Variants in NUAK1 observed in about 807,000 individuals in gnomAD.
NUAK1 encodes NUAK family SNF1-like kinase 1.
In NUAK1, 26 loss-of-function variants were observed where a neutral mutation model predicts 56.9. That is an observed-to-expected ratio of 0.46 (90% CI 0.33 to 0.63). The LOEUF is 0.63. Ranked by LOEUF, NUAK1 falls within the 30% of genes least tolerant of loss-of-function variation. The probability of loss-of-function intolerance (pLI) is 0.02; values close to 1 mark genes in which losing one functional copy is unlikely to be tolerated. For missense variants in NUAK1, 727 were observed against 876.1 expected (o/e 0.83, Z 2.15); for synonymous variants, 337 against 336.0 (o/e 1.00, Z -0.03).
intron 1 of NUAK1, among the ~76,000 whole-genome samples, chr12:106,126,202 T>C (rs1429287522): frequency 6.6e-6 from 1 of 152,192 alleles, no homozygotes; most frequent in Non-Finnish European, 1.5e-5. Flanking sequence ...GATCTTCAAA[T>C]GTCAGGGTTA....
In NUAK1 at chr12:106,086,714, C is replaced by T. The variant is rs376440111; in HGVS notation, c.513+20G>A. 2.8e-4 allele frequency: 453 copies of T among 1,590,102 alleles called. 1 individual carries two copies. Among genetic ancestry groups the T allele is most frequent in the African/African-American group, 1.5e-3 (113 of 74,648 alleles). On this transcript the variant is annotated intron_variant, in intron 3 of 6. Transcript: ENST00000261402. ...TAAAAACCATCTACGGCCAAAGCTG[C>T]GGGCCAGGCGCAGCCATACCTTGTG...
intron 4 of NUAK1, among the ~76,000 whole-genome samples, chr12:106,079,750 T>C (rs2032497901): frequency 6.6e-6 from 1 of 152,258 alleles, no homozygotes; most frequent in Non-Finnish European, 1.5e-5. Context: ...TGTTTACTGC[T>C]GTGTCTCCAA....
intron 1 of NUAK1, among the ~76,000 whole-genome samples, chr12:106,128,043 C>T (rs748700316): frequency 6.6e-6 from 1 of 152,044 alleles, no homozygotes; most frequent in Non-Finnish European, 1.5e-5. Flanking sequence ...ACGAAGAAAC[C>T]GAGTCACAGT....
intron 4 of NUAK1, among the ~76,000 whole-genome samples, chr12:106,074,765 G>GT (rs2032443447): frequency 1.3e-5 from 2 of 152,196 alleles, no homozygotes; most frequent in African/African-American, 4.8e-5. Flanking sequence ...AGCCTATTTT[G>GT]TAAAAGTCAT....
intron 1 of NUAK1, among the ~76,000 whole-genome samples, chr12:106,125,871 G>A (rs1168660869): frequency 6.6e-6 from 1 of 151,602 alleles, no homozygotes; most frequent in Non-Finnish European, 1.5e-5. Context: ...ACACGTTCAC[G>A]GCTGGGCTTT....
At chr12:106,090,637 C>T (rs2032625812) in intron 2 of NUAK1, among the ~76,000 whole-genome samples, 1 of 152,176 alleles carries the variant, frequency 6.6e-6, no homozygotes, top group African/African-American at 2.4e-5. Flanking sequence ...CATTCCATTA[C>T]TACTCATATA....
At chr12:106,112,023 C>A (rs924301519) in intron 1 of NUAK1, among the ~76,000 whole-genome samples, 9 of 151,306 alleles carry the variant, frequency 5.9e-5, no homozygotes, top group African/African-American at 2.2e-4. Context: ...CCTGTAGGAT[C>A]CGAAAGGGTC....
chr12:106,085,884 A>T (rs1290820955), intron 3 of NUAK1, among the ~76,000 whole-genome samples: 2 of 152,004 alleles, frequency 1.3e-5, no homozygotes, highest in East Asian at 3.9e-4. Flanking sequence ...TTTTTAAAAA[A>T]AATTTTAAAG....
intron 4 of NUAK1, among the ~76,000 whole-genome samples, chr12:106,081,529 T>C (rs1436793578): frequency 6.6e-6 from 1 of 152,218 alleles, no homozygotes; most frequent in Non-Finnish European, 1.5e-5. Context: ...GTGTGCTCTT[T>C]CCCTCCATCA....
rs575278329 is a variant in NUAK1 at position 106,065,803 on chromosome 12, G to A, written c.*999C>T. 1.3e-5 allele frequency: 2 copies of A among 152,804 alleles called. No homozygotes were observed. Among genetic ancestry groups the A allele is most frequent in the South Asian group, 4.1e-4 (2 of 4,832 alleles). 9.5% of individuals were successfully genotyped at this position (152,804 alleles called of 1,614,324 possible). The stretch of plus-strand genomic sequence containing the variant: ...TCCAGTTAATATTGAGAAAGAAAGT[G>A]ACAAGTTGCCTCTTGTTGGTGTGCA... On this transcript the variant is annotated 3_prime_UTR_variant, in exon 7 of 7. Coordinates refer to ENST00000261402, the MANE Select transcript of NUAK1 (RefSeq NM_014840.3).
At chr12:106,120,101 G>A (rs1223170436) in intron 1 of NUAK1, among the ~76,000 whole-genome samples, 1 of 152,090 alleles carries the variant, frequency 6.6e-6, no homozygotes, top group East Asian at 1.9e-4. Flanking sequence ...TGAACACTAG[G>A]GGCTGTTGGG....
chr12:106,110,916 G>T (rs1251752846), intron 1 of NUAK1, among the ~76,000 whole-genome samples: 1 of 152,148 alleles, frequency 6.6e-6, no homozygotes, highest in East Asian at 1.9e-4. Flanking sequence ...AGGGTTGGAG[G>T]TTTTTCCTTT....
intron 2 of NUAK1, among the ~76,000 whole-genome samples, chr12:106,095,118 T>C (rs2032683023): frequency 6.6e-6 from 1 of 152,160 alleles, no homozygotes; most frequent in South Asian, 2.1e-4. Context: ...TCTATTGCTC[T>C]GTCTCAGCTT....
rs539643104 is a variant in NUAK1 at position 106,129,844 on chromosome 12, C to T, written c.240+8570G>A. Among the ~76,000 whole-genome samples, 172 of 152,316 alleles carry T rather than the reference C, an allele frequency of 1.1e-3. 2 individuals carry two copies. Among genetic ancestry groups the T allele is most frequent in the Non-Finnish European group, 1.7e-3 (118 of 68,032 alleles). ...GTAGGATACTTCATAGCTGCATTTT[C>T]CAGATGAGTAAACAGAAGCCAGAGA... is the stretch of plus-strand genomic sequence containing the variant. On this transcript the variant is annotated intron_variant, in intron 1 of 6. Transcript: ENST00000261402.
chr12:106,087,012 C>T, intron 2 of NUAK1, 127 bp from the exon 3 acceptor site: 1 of 1,200,608 alleles, frequency 8.3e-7, no homozygotes, highest in Non-Finnish European at 1.2e-6. Flanking sequence ...GGTCAGAACA[C>T]AAATCAGCCA....
At chr12:106,119,691 G>A (rs1276774773) in intron 1 of NUAK1, among the ~76,000 whole-genome samples, 1 of 152,100 alleles carries the variant, frequency 6.6e-6, no homozygotes, top group Non-Finnish European at 1.5e-5. Flanking sequence ...TTTTCGCTAA[G>A]GGAAAAGAAG....
At chr12:106,075,634 T>C (rs1289485808) in intron 4 of NUAK1, among the ~76,000 whole-genome samples, 1 of 152,242 alleles carries the variant, frequency 6.6e-6, no homozygotes, top group Non-Finnish European at 1.5e-5. Context: ...ACCTTCGTTA[T>C]ACTAGAAGCA....
At chr12:106,070,513 A>G (rs2032394480) in intron 6 of NUAK1, among the ~76,000 whole-genome samples, 1 of 152,204 alleles carries the variant, frequency 6.6e-6, no homozygotes, top group Admixed American at 6.5e-5. Flanking sequence ...ATCTGAATCC[A>G]AAGAGATTAA....
intron 4 of NUAK1, among the ~76,000 whole-genome samples, chr12:106,082,418 C>T (rs1047397578): frequency 6.6e-6 from 1 of 152,220 alleles, no homozygotes; most frequent in Non-Finnish European, 1.5e-5. Context: ...TCATTCACTG[C>T]TCTAAGCAGG....
Sources: allele counts gnomAD v4.1 joint callset (sites outside exome capture counted in the v4.1 genomes callset), GRCh38; gene constraint gnomAD v4.1.1; transcripts MANE v1.5; gene names NCBI Gene and HGNC (gene_info 2026-07-23, HGNC 2026-07-21).